MAGI2: variants seen among roughly 807,000 people sequenced by gnomAD.
The protein encoded by MAGI2 is membrane associated guanylate kinase, WW and PDZ domain containing 2.
MAGI2 carries 35 observed loss-of-function variants against 133.3 expected under a neutral mutation model. That is an observed-to-expected ratio of 0.26 (90% CI 0.20 to 0.35). MAGI2 has a LOEUF of 0.35. Among genes scored for constraint, MAGI2 ranks in the 10% least tolerant of loss-of-function variants. MAGI2 has a pLI of 1.00. For synonymous variants in MAGI2, 729 were observed against 710.6 expected (o/e 1.03, Z -0.41); for missense variants, 1,636 against 1,863.4 (o/e 0.88, Z 2.25).
chr7:79,224,306 T>C (rs1482414239), intron 1 of MAGI2, among the ~76,000 whole-genome samples: 2 of 151,904 alleles, frequency 1.3e-5, no homozygotes, highest in East Asian at 3.9e-4. Context: ...ACAATCTGGG[T>C]TTCTTAGCAT....
At chr7:78,392,890 A>G (rs896941474) in intron 6 of MAGI2, among the ~76,000 whole-genome samples, 4 of 152,180 alleles carry the variant, frequency 2.6e-5, no homozygotes, top group African/African-American at 9.6e-5. Flanking sequence ...TGATTCGCCA[A>G]CCTCAGGTGA....
intron 1 of MAGI2, among the ~76,000 whole-genome samples, chr7:79,168,605 A>G (rs183619763): frequency 8.5e-5 from 13 of 152,198 alleles, no homozygotes; most frequent in East Asian, 5.8e-4. Context: ...ACTGTCTTCC[A>G]TGATGACTTT....
intron 1 of MAGI2, among the ~76,000 whole-genome samples, chr7:79,234,564 C>G (rs917266630): frequency 1.3e-5 from 2 of 152,040 alleles, no homozygotes; most frequent in African/African-American, 2.4e-5. Flanking sequence ...TTGCTGACAC[C>G]CTTTCTTCCA....
At chr7:78,171,466 G>T (rs918497044) in intron 14 of MAGI2, among the ~76,000 whole-genome samples, 12 of 152,194 alleles carry the variant, frequency 7.9e-5, no homozygotes, top group African/African-American at 2.9e-4. Flanking sequence ...AGATTCTGCA[G>T]GTTTAACAAG....
At chr7:79,171,770 A>ATATATATATATATATATATATTTTTT in intron 1 of MAGI2, among the ~76,000 whole-genome samples, 8 of 31,212 alleles carry the variant, frequency 2.6e-4, no homozygotes, top group Non-Finnish European at 4.4e-4. Flanking sequence ...ATATATATAT[A>ATATATATATATATATATATATTTTTT]TTTTTTTTTT....
rs1253877446 is a variant in MAGI2 at position 78,337,054 on chromosome 7, T to C, written c.1408+6724A>G. Among the ~76,000 whole-genome samples the C allele has an allele frequency of 8.3e-4, 126 of 152,184 alleles. 2 individuals are homozygous for C. Among genetic ancestry groups the C allele is most frequent in the Admixed American group, 8.3e-3 (126 of 15,272 alleles). On this transcript the variant is annotated intron_variant, in intron 9 of 21. Transcript: ENST00000354212. ...CTAGGGAAAAACACAAAACATCATG[T>C]AAAGAGGGAAGCTTTTTAACTGAAG... is the stretch of plus-strand genomic sequence containing the variant.
chr7:78,962,664 T>A (rs1280458202), intron 2 of MAGI2, among the ~76,000 whole-genome samples: 1 of 151,970 alleles, frequency 6.6e-6, no homozygotes, highest in African/African-American at 2.4e-5. Context: ...TCTAATAATT[T>A]CTGGATAATA....
At chr7:78,152,660 C>T (rs555883012) in intron 16 of MAGI2, among the ~76,000 whole-genome samples, 1 of 152,324 alleles carries the variant, frequency 6.6e-6, no homozygotes, top group Admixed American at 6.5e-5. Context: ...TATATGTAGG[C>T]TTTCCCAGAG....
At chr7:78,232,964 C>T (rs1021795530) in intron 10 of MAGI2, among the ~76,000 whole-genome samples, 2 of 152,142 alleles carry the variant, frequency 1.3e-5, no homozygotes, top group Non-Finnish European at 2.9e-5. Context: ...GTATCTGAAA[C>T]ACAGTAGAGG....
At chr7:79,384,177 A>G (rs555613290) in intron 1 of MAGI2, among the ~76,000 whole-genome samples, 1 of 151,510 alleles carries the variant, frequency 6.6e-6, no homozygotes, top group Non-Finnish European at 1.5e-5. Context: ...GGCAAGAGAA[A>G]ACCAAAGGTG....
rs1329411102 is a variant in MAGI2 at position 78,768,878 on chromosome 7, A to C, written c.419-141639T>G. Among the ~76,000 whole-genome samples the C allele has an allele frequency of 2.0e-5, 3 of 152,140 alleles. No homozygotes were observed. The East Asian group carries it at 5.8e-4, about 29-fold the overall frequency. ...TGCCTAAGATTTAAACCTGCTCTGT[A>C]GTCACACAATCATCCTAAAATGCTA... On this transcript the variant is annotated intron_variant, in intron 2 of 21. Transcript: ENST00000354212.
intron 6 of MAGI2, among the ~76,000 whole-genome samples, chr7:78,464,917 C>T (rs1242257040): frequency 2.0e-5 from 3 of 152,036 alleles, no homozygotes; most frequent in Admixed American, 2.0e-4. Context: ...AATACCATTG[C>T]TATCAACCCT....
At chr7:78,755,775 T>C (rs1823884568) in intron 2 of MAGI2, among the ~76,000 whole-genome samples, 1 of 152,202 alleles carries the variant, frequency 6.6e-6, no homozygotes, top group African/African-American at 2.4e-5. Context: ...GCTGCTTTTG[T>C]TTGATCACCC....
chr7:79,437,525 T>C (rs1033223953), intron 1 of MAGI2, among the ~76,000 whole-genome samples: 3 of 152,138 alleles, frequency 2.0e-5, no homozygotes, highest in Non-Finnish European at 4.4e-5. Context: ...AATAAGTGAA[T>C]AATTTTATAT....
At chr7:79,388,381 A>G (rs1326442710) in intron 1 of MAGI2, among the ~76,000 whole-genome samples, 1 of 151,996 alleles carries the variant, frequency 6.6e-6, no homozygotes, top group Non-Finnish European at 1.5e-5. Context: ...AGAGTTCAAC[A>G]TATACCAATA....
intron 1 of MAGI2, among the ~76,000 whole-genome samples, chr7:79,336,048 A>G (rs924241169): frequency 2.6e-5 from 4 of 152,086 alleles, no homozygotes; most frequent in Non-Finnish European, 5.9e-5. Context: ...AAATCATTTA[A>G]CCAATATTCT....
rs544172383 is a variant in MAGI2 at position 79,330,180 on chromosome 7, C to CTTTTTTTT, written c.301+122832_301+122839dup. ...CACATCAGTAACAAACAATCTGCATCTTTTTTTTTTTTTTTTTTTTTTTTT... is the reference window on the plus strand; with the variant it reads ...CACATCAGTAACAAACAATCTGCATCTTTTTTTTTTTTTTTTTTTTTTTTTTTTTTTTT... On this transcript the variant is annotated intron_variant, in intron 1 of 21. Transcript: ENST00000354212. 4.9e-4 allele frequency among the ~76,000 whole-genome samples: 29 copies of CTTTTTTTT among 59,156 alleles called. 3 individuals are homozygous for CTTTTTTTT. Among genetic ancestry groups the CTTTTTTTT allele is most frequent in the East Asian group, 4.2e-3 (7 of 1,676 alleles). The allele number at this position is 59,156 out of a possible 152,430, so 38.8% of individuals were successfully genotyped here.
At chr7:78,376,220 C>A (rs1229474278) in intron 6 of MAGI2, among the ~76,000 whole-genome samples, 1 of 151,994 alleles carries the variant, frequency 6.6e-6, no homozygotes, top group Non-Finnish European at 1.5e-5. Flanking sequence ...AAATAAACAA[C>A]TAAACCAAAA....
chr7:79,247,918 C>T (rs1832938979), intron 1 of MAGI2, among the ~76,000 whole-genome samples: 2 of 151,840 alleles, frequency 1.3e-5, no homozygotes, highest in Admixed American at 1.3e-4. Context: ...GAGAAAATCA[C>T]CTCCATTTAA....
Sources: gnomAD v4.1 joint callset for allele counts (sites outside exome capture counted in the v4.1 genomes callset) on GRCh38, gnomAD v4.1.1 for gene constraint, MANE v1.5 for transcripts, NCBI Gene and HGNC (gene_info 2026-07-23, HGNC 2026-07-21) for gene names.